The following SLC41A3 variants were observed in gnomAD, a reference collection of about 807,000 sequenced individuals.
The protein encoded by SLC41A3 is solute carrier family 41 member 3.
SLC41A3 carries 44 observed loss-of-function variants against 45.4 expected under a neutral mutation model. The observed-to-expected ratio is 0.97, with a 90% CI of 0.76 to 1.25. The LOEUF is 1.25. Among genes scored for constraint, SLC41A3 ranks in the 50% most tolerant of loss-of-function variants. The pLI, the probability that SLC41A3 is intolerant of heterozygous loss-of-function variation, is 0.00. For synonymous variants in SLC41A3, 256 were observed against 252.4 expected, an observed-to-expected ratio of 1.01 and a Z score of -0.13; for missense variants, 550 against 600.6, an observed-to-expected ratio of 0.92 and a Z score of 0.88.
chr3:126,010,064 A>G (rs767951521), intron 9 of SLC41A3, among the ~76,000 whole-genome samples: 19 of 152,248 alleles, frequency 1.2e-4, no homozygotes, highest in Non-Finnish European at 2.1e-4. Context: ...GGCTGCAATG[A>G]ACAACATGGT....
chr3:126,043,155 G>A (rs1308663162), intron 3 of SLC41A3, among the ~76,000 whole-genome samples: 1 of 152,048 alleles, frequency 6.6e-6, no homozygotes, highest in Non-Finnish European at 1.5e-5. Context: ...AGCCAACAGA[G>A]GAAAGAGACT....
intron 1 of SLC41A3, among the ~76,000 whole-genome samples, chr3:126,091,433 C>T (rs375440279): frequency 3.3e-5 from 5 of 150,588 alleles, no homozygotes; most frequent in Admixed American, 6.6e-5. Context: ...CAGGAGGGGT[C>T]GGGGTGGAGG....
intron 3 of SLC41A3, among the ~76,000 whole-genome samples, chr3:126,037,048 G>C (rs1203443907): frequency 2.6e-5 from 4 of 152,164 alleles, no homozygotes; most frequent in Non-Finnish European, 5.9e-5. Context: ...CCCAGTATTG[G>C]AGGTAGGATC....
intron 1 of SLC41A3, among the ~76,000 whole-genome samples, chr3:126,074,427 G>A (rs1311648961): frequency 6.6e-6 from 1 of 151,940 alleles, no homozygotes; most frequent in Non-Finnish European, 1.5e-5. Context: ...CTGTACCTGA[G>A]GTTCTAGCCA....
chr3:126,079,240 C>CACACACACACA lies in SLC41A3; in HGVS notation c.-28+4852_-28+4853insTGTGTGTGTGT, dbSNP rs35781435. Among the ~76,000 whole-genome samples, 76 of 100,874 alleles carry CACACACACACA rather than the reference C, an allele frequency of 7.5e-4. 1 individual carries two copies. Among genetic ancestry groups the CACACACACACA allele is most frequent in the African/African-American group, 2.6e-3 (72 of 28,056 alleles). 66.2% of individuals were successfully genotyped at this position (100,874 alleles called of 152,430 possible). ...CACACACACACACACACACACACACCCACACACGATCAGGGATTTAAATTC... is the reference window on the plus strand; with the variant it reads ...CACACACACACACACACACACACACCACACACACACACACACACGATCAGGGATTTAAATTC... On this transcript the variant is annotated intron_variant, in intron 1 of 10. Coordinates refer to ENST00000360370, the MANE Select transcript of SLC41A3 (RefSeq NM_017836.4).
At chr3:126,043,654 T>C (rs950006442) in intron 3 of SLC41A3, among the ~76,000 whole-genome samples, 1 of 152,064 alleles carries the variant, frequency 6.6e-6, no homozygotes, top group Non-Finnish European at 1.5e-5. Flanking sequence ...AGTAGAGTTT[T>C]ATATGCAATT....
intron 7 of SLC41A3, 24 bp downstream of exon 7, chr3:126,016,707 G>A (rs1370240693): frequency 1.1e-5 from 17 of 1,594,698 alleles, no homozygotes; most frequent in Non-Finnish European, 1.4e-5. Flanking sequence ...AGGAAGAGGG[G>A]CCGTGGCCCT....
chr3:126,082,892 T>C (rs1199942200), intron 1 of SLC41A3, among the ~76,000 whole-genome samples: 1 of 152,186 alleles, frequency 6.6e-6, no homozygotes, highest in Non-Finnish European at 1.5e-5. Flanking sequence ...ACCTCTGGGC[T>C]TCACCCCTCC....
At chr3:126,050,305 C>G (rs1433100891) in intron 3 of SLC41A3, among the ~76,000 whole-genome samples, 1 of 152,198 alleles carries the variant, frequency 6.6e-6, no homozygotes. Flanking sequence ...CTCCTCTTGC[C>G]ACAGTCTTTG....
chr3:126,070,119 AAGTAG>A (rs1183038361), intron 1 of SLC41A3: 3 of 152,212 alleles, frequency 2.0e-5, no homozygotes, highest in African/African-American at 7.2e-5. Context: ...CACGAATTCC[AAGTAG>A]AGTAAACTCC....
chr3:126,010,249 A>T (rs576439388), intron 9 of SLC41A3, among the ~76,000 whole-genome samples: 10 of 152,340 alleles, frequency 6.6e-5, no homozygotes, highest in Admixed American at 1.3e-4. Context: ...CAAGGCAGGC[A>T]ATCAGTTGAG....
intron 1 of SLC41A3, among the ~76,000 whole-genome samples, chr3:126,076,053 T>C (rs946701676): frequency 6.6e-6 from 1 of 152,224 alleles, no homozygotes; most frequent in Non-Finnish European, 1.5e-5. Context: ...ATCCACAAAA[T>C]GTGCAAGTAT....
At chr3:126,051,141 C>T in intron 2 of SLC41A3, 91 bp from the exon 3 acceptor site, 2 of 1,377,424 alleles carry the variant, frequency 1.5e-6, no homozygotes, top group East Asian at 2.6e-5. Flanking sequence ...AGTCACTTTT[C>T]ACTCCCTATA....
intron 3 of SLC41A3, among the ~76,000 whole-genome samples, chr3:126,035,660 T>C (rs958568864): frequency 6.6e-6 from 1 of 152,200 alleles, no homozygotes; most frequent in Non-Finnish European, 1.5e-5. Flanking sequence ...GGGAGCACTA[T>C]GATCAGATAC....
Position 126,006,606 on chromosome 3 carries a change from G to A in SLC41A3, c.*410C>T, listed in dbSNP as rs1344547333. 2 of 1,570,246 alleles carry A rather than the reference G, an allele frequency of 1.3e-6. No homozygotes were observed. The highest frequency in any genetic ancestry group is 1.7e-6 in the Non-Finnish European group (2 of 1,165,640). On this transcript the variant is annotated 3_prime_UTR_variant, in exon 11 of 11. Transcript: ENST00000360370. ...GTAAGCCACAGCTCAAGAGTTCTGA[G>A]GCTTGGGAACAGAAAAGAGCTCCTT...
At chr3:126,099,377 G>T (rs1945665228) in intron 1 of SLC41A3, among the ~76,000 whole-genome samples, 1 of 152,168 alleles carries the variant, frequency 6.6e-6, no homozygotes, top group Admixed American at 6.5e-5. Flanking sequence ...TAGATAATGT[G>T]TTGGTAATAT....
intron 1 of SLC41A3, among the ~76,000 whole-genome samples, chr3:126,089,443 G>T (rs944857583): frequency 3.9e-5 from 6 of 152,180 alleles, no homozygotes; most frequent in Non-Finnish European, 2.9e-5. Flanking sequence ...AATGTCTTAT[G>T]AAAATGGGTA....
At chr3:126,028,049 G>A (rs34041052) in intron 4 of SLC41A3, among the ~76,000 whole-genome samples, 3,189 of 152,338 alleles carry the variant, frequency 0.021, 44 homozygotes, top group Non-Finnish European at 0.029. Context: ...GGGAAGCAGA[G>A]AGTGAAAGTT....
chr3:126,040,512 C>T (rs1411888337), intron 3 of SLC41A3, among the ~76,000 whole-genome samples: 1 of 152,184 alleles, frequency 6.6e-6, no homozygotes, highest in Non-Finnish European at 1.5e-5. Flanking sequence ...CCTGGAGCAG[C>T]TGAAAGGGCA....
Sources: allele counts gnomAD v4.1 joint callset (sites outside exome capture counted in the v4.1 genomes callset), GRCh38; gene constraint gnomAD v4.1.1; transcripts MANE v1.5; gene names NCBI Gene and HGNC (gene_info 2026-07-23, HGNC 2026-07-21).